SEMA6D: variants seen among roughly 807,000 people sequenced by gnomAD.
SEMA6D encodes the protein semaphorin 6D, also known as semaphorin-6D.
A neutral mutation model predicts 106.6 loss-of-function variants in SEMA6D; 35 were observed. That is an observed-to-expected ratio of 0.33 (90% CI 0.25 to 0.44). The LOEUF is 0.44. Ranked by LOEUF, SEMA6D falls within the 20% of genes least tolerant of loss-of-function variation. The probability of loss-of-function intolerance (pLI) is 1.00; values close to 1 mark genes in which losing one functional copy is unlikely to be tolerated. For synonymous variants in SEMA6D, 499 were observed against 487.7 expected (o/e 1.02, Z -0.31); for missense variants, 1,185 against 1,345.9 (o/e 0.88, Z 1.87).
At chr15:47,358,346 GTTC>G (rs34299461) in intron 1 of SEMA6D, among the ~76,000 whole-genome samples, 23,682 of 152,080 alleles carry the variant, frequency 0.16, 2,746 homozygotes, top group African/African-American at 0.32. Flanking sequence ...TTCATAATTT[GTTC>G]TTCTTTTCAC....
chr15:47,613,936 C>A (rs566813973), intron 4 of SEMA6D, among the ~76,000 whole-genome samples: 83 of 152,190 alleles, frequency 5.5e-4, no homozygotes, highest in Non-Finnish European at 1.0e-3. Flanking sequence ...CGTGAGCCAC[C>A]GCGCCCAGCC....
intron 4 of SEMA6D, among the ~76,000 whole-genome samples, chr15:47,706,839 G>C (rs754297449): frequency 5.3e-5 from 8 of 152,026 alleles, no homozygotes; most frequent in Non-Finnish European, 7.4e-5. Flanking sequence ...TGCCCATTTT[G>C]TAATCCTATA....
chr15:47,547,761 A>T (rs1596294057), intron 3 of SEMA6D, among the ~76,000 whole-genome samples: 2 of 152,224 alleles, frequency 1.3e-5, no homozygotes, highest in East Asian at 3.9e-4. Flanking sequence ...GCCTCTTAAA[A>T]CCTTATAAAA....
intron 4 of SEMA6D, among the ~76,000 whole-genome samples, chr15:47,697,010 C>T (rs2078713251): frequency 6.6e-6 from 1 of 152,168 alleles, no homozygotes; most frequent in African/African-American, 2.4e-5. Context: ...TAGGCCTCTA[C>T]TGCAATGGGA....
chr15:47,697,462 C>T (rs1231585317), intron 4 of SEMA6D, among the ~76,000 whole-genome samples: 5 of 152,174 alleles, frequency 3.3e-5, no homozygotes, highest in Non-Finnish European at 5.9e-5. Context: ...CTCATCTCCT[C>T]TCCCACTAAG....
intron 4 of SEMA6D, among the ~76,000 whole-genome samples, chr15:47,647,614 A>AATCAG (rs2077604814): frequency 6.6e-6 from 1 of 152,128 alleles, no homozygotes; most frequent in South Asian, 2.1e-4. Context: ...AGCCTGGTTA[A>AATCAG]TTGCAGATGA....
intron 3 of SEMA6D, among the ~76,000 whole-genome samples, chr15:47,597,765 A>G (rs1026520027): frequency 5.9e-5 from 9 of 151,550 alleles, no homozygotes; most frequent in Non-Finnish European, 1.3e-4. Flanking sequence ...AGAAAGTTGC[A>G]GTTAGACAGC....
At chr15:47,484,606 T>C (rs2043244908) in intron 3 of SEMA6D, among the ~76,000 whole-genome samples, 1 of 152,156 alleles carries the variant, frequency 6.6e-6, no homozygotes, top group Non-Finnish European at 1.5e-5. Flanking sequence ...TACCAGTTAG[T>C]TCATGAATTT....
intron 4 of SEMA6D, among the ~76,000 whole-genome samples, chr15:47,611,638 G>A (rs938532221): frequency 1.3e-5 from 2 of 152,088 alleles, no homozygotes; most frequent in Non-Finnish European, 2.9e-5. Context: ...GAAAAAATGT[G>A]GCCTTGTATA....
chr15:47,191,640 C>T (rs1411940346), intron 1 of SEMA6D, among the ~76,000 whole-genome samples: 1 of 152,014 alleles, frequency 6.6e-6, no homozygotes, highest in Non-Finnish European at 1.5e-5. Context: ...TGAAAAGGTC[C>T]CTGCTCTGAA....
At chr15:47,310,355 A>G (rs1213865962) in intron 1 of SEMA6D, among the ~76,000 whole-genome samples, 2 of 152,146 alleles carry the variant, frequency 1.3e-5, no homozygotes, top group Non-Finnish European at 2.9e-5. Context: ...AATGGGAAAG[A>G]TGTTAGATTT....
chr15:47,559,687 G>A (rs2046020657), intron 3 of SEMA6D, among the ~76,000 whole-genome samples: 1 of 152,090 alleles, frequency 6.6e-6, no homozygotes, highest in African/African-American at 2.4e-5. Flanking sequence ...TGAATTGACT[G>A]GAGGCTGTGT....
intron 1 of SEMA6D, among the ~76,000 whole-genome samples, chr15:47,224,374 A>T (rs1412617605): frequency 6.6e-6 from 1 of 152,030 alleles, no homozygotes; most frequent in Non-Finnish European, 1.5e-5. Context: ...TAATAATGAT[A>T]ATTGCACCCA....
chr15:47,381,603 A>G lies in SEMA6D; in HGVS notation c.-238-30790A>G, dbSNP rs150893361. On this transcript the variant is annotated intron_variant, in intron 1 of 19. Coordinates refer to the SEMA6D transcript ENST00000558014. ...TTTCTTTAAAATTTCAAGATGGTCT[A>G]TCAAAGGGGCATCCTGGAGTTTATT... Among the ~76,000 whole-genome samples the G allele has an allele frequency of 3.9e-3, 597 of 152,304 alleles. 5 individuals are homozygous for G. The highest frequency in any genetic ancestry group is 4.7e-3 in the Non-Finnish European group (322 of 68,024).
chr15:47,703,539 G>C (rs11634811), intron 4 of SEMA6D, among the ~76,000 whole-genome samples: 1 of 151,976 alleles, frequency 6.6e-6, no homozygotes, highest in African/African-American at 2.4e-5. Context: ...AACCCACTAC[G>C]TAGCAACCCA....
chr15:47,492,267 T>C (rs1567117827), intron 3 of SEMA6D, among the ~76,000 whole-genome samples: 1 of 152,140 alleles, frequency 6.6e-6, no homozygotes, highest in Non-Finnish European at 1.5e-5. Flanking sequence ...GAAATTGAGA[T>C]AGAGAAAAAG....
At position 47,763,111 on chromosome 15, in the gene SEMA6D, A is replaced by G. The variant is rs1304600780; in HGVS notation, c.747+7A>G. Reference sequence around the variant, plus strand: ...ACATAATAATTTAGGCAAGGCAAGTATATGCATTTGGCTTGAATTGTGGAC... The same window carrying G: ...ACATAATAATTTAGGCAAGGCAAGTGTATGCATTTGGCTTGAATTGTGGAC... On this transcript the variant is annotated splice_region_variant and intron_variant, in intron 9 of 18. Transcript: ENST00000536845. 8 of 1,605,506 alleles carry G rather than the reference A, an allele frequency of 5.0e-6. No individual in the cohort carries two copies. Among genetic ancestry groups the G allele is most frequent in the African/African-American group, 4.0e-5 (3 of 74,650 alleles).
chr15:47,380,929 A>G (rs544611422), intron 1 of SEMA6D, among the ~76,000 whole-genome samples: 1 of 152,250 alleles, frequency 6.6e-6, no homozygotes, highest in Non-Finnish European at 1.5e-5. Flanking sequence ...AGGTGATCAT[A>G]CTTCACCCAT....
At chr15:47,523,755 C>G (rs1445432027) in intron 3 of SEMA6D, among the ~76,000 whole-genome samples, 3 of 152,200 alleles carry the variant, frequency 2.0e-5, no homozygotes, top group African/African-American at 7.2e-5. Context: ...GTCATCTCCT[C>G]TAAGTGTAAA....
Sources: allele counts gnomAD v4.1 joint callset (sites outside exome capture counted in the v4.1 genomes callset), GRCh38; gene constraint gnomAD v4.1.1; transcripts MANE v1.5; gene names NCBI Gene and HGNC (gene_info 2026-07-23, HGNC 2026-07-21).